Variants in FAM117B observed in about 807,000 individuals in gnomAD.
FAM117B encodes the protein protein FAM117B.
In FAM117B, 22 loss-of-function variants were observed where a neutral mutation model predicts 52.8. That is an observed-to-expected ratio of 0.42 (90% CI 0.30 to 0.59). The LOEUF is 0.59. Ranked by LOEUF, FAM117B falls within the 20% of genes least tolerant of loss-of-function variation. FAM117B has a pLI of 0.22. For missense variants in FAM117B, 678 were observed against 802.6 expected, an observed-to-expected ratio of 0.84 and a Z score of 1.88; for synonymous variants, 309 against 324.1, an observed-to-expected ratio of 0.95 and a Z score of 0.50.
At chr2:202,681,867 A>G (rs1690467416) in intron 1 of FAM117B, among the ~76,000 whole-genome samples, 2 of 152,218 alleles carry the variant, frequency 1.3e-5, no homozygotes, top group Non-Finnish European at 2.9e-5. Context: ...GTGAGAACTG[A>G]CATCCCTGTT....
chr2:202,717,619 G>A (rs965094931), intron 2 of FAM117B, among the ~76,000 whole-genome samples: 1 of 152,168 alleles, frequency 6.6e-6, no homozygotes, highest in South Asian at 2.1e-4. Flanking sequence ...TGGATTACAA[G>A]GCAGAGACCC....
intron 1 of FAM117B, among the ~76,000 whole-genome samples, chr2:202,672,315 C>T (rs1345240687): frequency 2.0e-5 from 3 of 152,196 alleles, no homozygotes; most frequent in Non-Finnish European, 4.4e-5. Context: ...TGGGTTCAAG[C>T]GATTTACCCA....
rs1212580440 is a variant in FAM117B at position 202,635,447 on chromosome 2, C to A, written c.260C>A (p.Thr87Asn). 2.5e-6 allele frequency: 3 copies of A among 1,181,444 alleles called. No homozygotes were observed. Among genetic ancestry groups the A allele is most frequent in the Admixed American group, 9.3e-5 (2 of 21,514 alleles). 73.2% of individuals were successfully genotyped at this position (1,181,444 alleles called of 1,614,324 possible). Reference protein sequence around the residue: ...AGGGGGGGPRTASRSTSPTRG... With the variant: ...AGGGGGGGPRNASRSTSPTRG... Reference sequence around the variant, plus strand: ...GGCGGCGGCGGCGGTGGCCCGCGCACCGCCTCGCGCAGCACCAGCCCCACG... The same window carrying A: ...GGCGGCGGCGGCGGTGGCCCGCGCAACGCCTCGCGCAGCACCAGCCCCACG... The change falls in exon 1 of 8, where the codon ACC becomes AAC. Residue 87 changes from threonine to asparagine, a missense_variant. By Grantham distance (65) the Thr-to-Asn change is moderately conservative. Coordinates refer to ENST00000392238, the MANE Select transcript of FAM117B (RefSeq NM_173511.4).
chr2:202,768,474 A>AAAGGTAC lies in FAM117B; in HGVS notation c.*2720_*2726dup. The stretch of plus-strand genomic sequence containing the variant: ...AGAAATAGAGCTTGAGATTTGAAAA[A>AAAGGTAC]AAGGTACAAGGTACAAAACAACTCT... On this transcript the variant is annotated 3_prime_UTR_variant, in exon 8 of 8. Transcript: ENST00000392238. 1 of 152,782 alleles carries AAAGGTAC rather than the reference A, an allele frequency of 6.5e-6. No homozygotes were observed. Among genetic ancestry groups the AAAGGTAC allele is most frequent in the South Asian group, 2.1e-4 (1 of 4,824 alleles). 9.5% of individuals were successfully genotyped at this position (152,782 alleles called of 1,614,324 possible).
intron 5 of FAM117B, among the ~76,000 whole-genome samples, chr2:202,756,356 G>A (rs559900906): frequency 2.0e-5 from 3 of 151,722 alleles, no homozygotes; most frequent in Non-Finnish European, 4.4e-5. Context: ...GAAGGTTGCA[G>A]TGAGCTGAGA....
At chr2:202,701,261 G>C (rs1156298902) in intron 2 of FAM117B, among the ~76,000 whole-genome samples, 1 of 152,126 alleles carries the variant, frequency 6.6e-6, no homozygotes, top group Non-Finnish European at 1.5e-5. Flanking sequence ...TCTTTTTATA[G>C]CATGATTTAC....
chr2:202,656,697 C>G (rs1401367014), intron 1 of FAM117B, among the ~76,000 whole-genome samples: 3 of 152,128 alleles, frequency 2.0e-5, no homozygotes. Context: ...ATAAATGTCA[C>G]TTAGGTCAGA....
intron 1 of FAM117B, among the ~76,000 whole-genome samples, chr2:202,668,759 A>C (rs1690249196): frequency 6.6e-6 from 1 of 152,224 alleles, no homozygotes. Flanking sequence ...ATTTGAATGC[A>C]TGTCTCATGC....
At chr2:202,648,369 C>T (rs914977921) in intron 1 of FAM117B, among the ~76,000 whole-genome samples, 3 of 151,794 alleles carry the variant, frequency 2.0e-5, no homozygotes, top group African/African-American at 4.8e-5. Context: ...AAAAATTAGC[C>T]GAGTATAGCG....
chr2:202,690,610 C>G (rs888991330), intron 1 of FAM117B, among the ~76,000 whole-genome samples: 1 of 151,996 alleles, frequency 6.6e-6, no homozygotes, highest in African/African-American at 2.4e-5. Flanking sequence ...ATTAGCCACA[C>G]CAAAGAAAGG....
chr2:202,714,110 A>G (rs1271266428), intron 2 of FAM117B, among the ~76,000 whole-genome samples: 4 of 151,886 alleles, frequency 2.6e-5, no homozygotes, highest in Admixed American at 6.6e-5. Flanking sequence ...ATTTTTTTTT[A>G]TAGTTTCCAA....
chr2:202,688,349 G>A (rs1280944241), intron 1 of FAM117B, among the ~76,000 whole-genome samples: 1 of 152,194 alleles, frequency 6.6e-6, no homozygotes, highest in Non-Finnish European at 1.5e-5. Context: ...GAGGCAGCCA[G>A]TGTCATCAGA....
intron 3 of FAM117B, 60 bp from the exon 4 acceptor site, chr2:202,726,190 G>T (rs1224317269): frequency 6.4e-6 from 7 of 1,089,040 alleles, no homozygotes; most frequent in Non-Finnish European, 6.9e-6. Context: ...ATTAAGCAAG[G>T]ATGTGTTTTT....
At chr2:202,752,694 T>C (rs1268559063) in intron 4 of FAM117B, among the ~76,000 whole-genome samples, 1 of 152,238 alleles carries the variant, frequency 6.6e-6, no homozygotes, top group East Asian at 1.9e-4. Flanking sequence ...CAGAAGAATC[T>C]GCAAGATGTT....
chr2:202,709,749 A>G (rs548085430), intron 2 of FAM117B, among the ~76,000 whole-genome samples: 8 of 152,092 alleles, frequency 5.3e-5, no homozygotes, highest in African/African-American at 1.9e-4. Flanking sequence ...CTTGTCCCCT[A>G]TGTTTATTTC....
In FAM117B at chr2:202,699,789, G is replaced by GT. The variant is rs201815458; in HGVS notation, c.753+3764dup. Among the ~76,000 whole-genome samples, 444 of 152,222 alleles carry GT rather than the reference G, an allele frequency of 2.9e-3. 2 individuals are homozygous for GT. Among genetic ancestry groups the GT allele is most frequent in the East Asian group, 4.2e-3 (22 of 5,190 alleles). ...CTTTATTGGGCTTCGCAGATATTGT[G>GT]TTTTTTTACAAATTGAAGGTTTGTG... is the stretch of plus-strand genomic sequence containing the variant. On this transcript the variant is annotated intron_variant, in intron 2 of 7. Coordinates refer to ENST00000392238, the MANE Select transcript of FAM117B (RefSeq NM_173511.4).
chr2:202,663,698 C>T (rs1690163369), intron 1 of FAM117B, among the ~76,000 whole-genome samples: 1 of 151,994 alleles, frequency 6.6e-6, no homozygotes, highest in African/African-American at 2.4e-5. Context: ...ATTCTCCTGC[C>T]TCAGCCTCCT....
At chr2:202,706,886 C>G (rs1690877179) in intron 2 of FAM117B, among the ~76,000 whole-genome samples, 1 of 152,030 alleles carries the variant, frequency 6.6e-6, no homozygotes, top group Admixed American at 6.5e-5. Context: ...TCTGTTGTTG[C>G]CTGTCAGTAG....
intron 7 of FAM117B, among the ~76,000 whole-genome samples, chr2:202,760,783 G>T (rs1440528827): frequency 1.3e-5 from 2 of 152,144 alleles, no homozygotes; most frequent in African/African-American, 4.8e-5. Context: ...GTTTTCTGTG[G>T]CAGGGAGTGG....
Sources: gnomAD v4.1 joint callset for allele counts (sites outside exome capture counted in the v4.1 genomes callset) on GRCh38, gnomAD v4.1.1 for gene constraint, MANE v1.5 for transcripts, NCBI Gene and HGNC (gene_info 2026-07-23, HGNC 2026-07-21) for gene names.